LGALS8: variants seen among roughly 807,000 people sequenced by gnomAD.
The protein encoded by LGALS8 is galectin 8.
Under a neutral mutation model 35.9 loss-of-function variants are expected in LGALS8, and 30 were observed. That is an observed-to-expected ratio of 0.83 (90% CI 0.62 to 1.13). The LOEUF is 1.13. LGALS8 is among the 50% of genes most tolerant of loss of function. The probability of loss-of-function intolerance (pLI) is 0.00; values close to 1 mark genes in which losing one functional copy is unlikely to be tolerated. For missense variants in LGALS8, 366 were observed against 388.7 expected, an observed-to-expected ratio of 0.94 and a Z score of 0.49; for synonymous variants, 138 against 136.1, an observed-to-expected ratio of 1.01 and a Z score of -0.10.
In LGALS8 at chr1:236,542,835, T is replaced by G. The variant is rs1432677815; in HGVS notation, c.549+48T>G. 3 of 1,614,102 alleles carry G rather than the reference T, an allele frequency of 1.9e-6. No homozygotes were observed. The South Asian group carries it at 3.3e-5, about 18-fold the overall frequency. ...TTTCATGTGGAATATTTTATAAAGT[T>G]GCATAGAAAATGAACAGTTTAAACC... On this transcript the variant is annotated intron_variant, in intron 7 of 9. Transcript: ENST00000366584.
intron 1 of LGALS8, chr1:236,524,845 A>G (rs911726794): frequency 2.6e-4 from 47 of 183,540 alleles, no homozygotes; most frequent in Non-Finnish European, 5.1e-4. Context: ...AGTTAATGAC[A>G]TGGGGCTATA....
At chr1:236,543,301 G>A (rs772985364) in intron 7 of LGALS8, 74 of 643,392 alleles carry the variant, frequency 1.2e-4, no homozygotes, top group Admixed American at 2.0e-4. Flanking sequence ...CCTTCCTGGC[G>A]TGTTTCACTC....
At position 236,550,992 on chromosome 1, in the gene LGALS8, T is replaced by TAAAAAAAA. The variant is rs55866014; in HGVS notation, c.*2842_*2849dup. On this transcript the variant is annotated 3_prime_UTR_variant, in exon 10 of 10. Transcript: ENST00000366584. ...GATGTTCTACTTCTTCACATTCATC[T>TAAAAAAAA]AAAAAAAAAAAAAAAAAATCAAAAT... The TAAAAAAAA allele has an allele frequency of 1.7e-5, 21 of 1,255,688 alleles. No individual in the cohort carries two copies. The highest frequency in any genetic ancestry group is 1.8e-5 in the Non-Finnish European group (17 of 934,626). 77.8% of individuals were successfully genotyped at this position (1,255,688 alleles called of 1,614,324 possible). A position where few individuals can be genotyped will look rare whatever the true frequency, so the allele number is the denominator to read the frequency against.
In LGALS8 at chr1:236,545,024, A is replaced by T. The variant is rs1389253596; in HGVS notation, c.804+109A>T. The T allele has an allele frequency of 3.7e-6, 3 of 814,162 alleles. No individual in the cohort carries two copies. The East Asian group carries it at 7.8e-5, about 21-fold the overall frequency. The allele number at this position is 814,162 out of a possible 1,614,324, so 50.4% of individuals were successfully genotyped here. A position where few individuals can be genotyped will look rare whatever the true frequency, so the allele number is the denominator to read the frequency against. ...CTAACTCAGTATGTGGAAGTTGTGT[A>T]TGTTTTTTGTTTACTTGGAGATTGT... On this transcript the variant is annotated intron_variant, in intron 9 of 9. Transcript: ENST00000366584.
intron 2 of LGALS8, among the ~76,000 whole-genome samples, chr1:236,530,576 C>CA (rs1661090047): frequency 2.0e-5 from 3 of 152,180 alleles, no homozygotes; most frequent in Admixed American, 2.0e-4. Flanking sequence ...CCCCAACTCT[C>CA]AGTTGCTCAG....
chr1:236,529,880 T>G (rs933667594), intron 2 of LGALS8, among the ~76,000 whole-genome samples: 4 of 152,144 alleles, frequency 2.6e-5, no homozygotes, highest in Non-Finnish European at 4.4e-5. Flanking sequence ...CTCGAACTCC[T>G]GAGCTCAGGC....
intron 2 of LGALS8, among the ~76,000 whole-genome samples, chr1:236,531,828 C>T (rs966846263): frequency 2.0e-5 from 3 of 152,154 alleles, no homozygotes; most frequent in African/African-American, 7.2e-5. Context: ...GACTCACCAG[C>T]ATAGAGTTGT....
intron 2 of LGALS8, among the ~76,000 whole-genome samples, chr1:236,535,483 T>A (rs1455569784): frequency 4.0e-5 from 1 of 24,854 alleles, no homozygotes; most frequent in Non-Finnish European, 1.5e-4. Flanking sequence ...TATTACTAAC[T>A]TGTGTTATTA....
intron 9 of LGALS8, among the ~76,000 whole-genome samples, chr1:236,547,676 G>A (rs1008155389): frequency 2.2e-5 from 2 of 91,694 alleles, no homozygotes; most frequent in Admixed American, 1.0e-4. Flanking sequence ...CAGCATCGGC[G>A]AGGAGGGGCA....
intron 3 of LGALS8, among the ~76,000 whole-genome samples, chr1:236,537,997 C>T (rs1433280887): frequency 6.9e-6 from 1 of 145,758 alleles, no homozygotes; most frequent in Non-Finnish European, 1.5e-5. Context: ...TGTAGCTACT[C>T]AGGGGGCTGA....
chr1:236,533,996 C>T (rs919329707), intron 2 of LGALS8, among the ~76,000 whole-genome samples: 3 of 152,170 alleles, frequency 2.0e-5, no homozygotes, highest in African/African-American at 7.2e-5. Flanking sequence ...CTGCCTTTGA[C>T]CCCAGATGTA....
chr1:236,545,560 T>C (rs762117614), intron 9 of LGALS8, among the ~76,000 whole-genome samples: 2 of 152,188 alleles, frequency 1.3e-5, no homozygotes, highest in Non-Finnish European at 2.9e-5. Context: ...CTTAGGGTCA[T>C]TGGTTTAGGT....
chr1:236,527,829 G>A (rs371806226), intron 2 of LGALS8, among the ~76,000 whole-genome samples: 93 of 151,954 alleles, frequency 6.1e-4, no homozygotes, highest in African/African-American at 2.0e-3. Flanking sequence ...TCTGCCTCCC[G>A]GGTTCAAGCA....
chr1:236,540,610 G>A lies in LGALS8; in HGVS notation c.392G>A (p.Gly131Asp). 1.9e-6 allele frequency: 3 copies of A among 1,610,724 alleles called. No homozygotes were observed. The highest frequency in any genetic ancestry group is 1.1e-5 in the South Asian group (1 of 90,324). The change falls in exon 5 of 10, where the codon GGC (glycine) becomes GAC (aspartate). Residue 131 changes from glycine (G) to aspartate (D), a missense_variant. Transcript: ENST00000366584. ...KHTLLYGHRI[G>D]PEKIDTLGIY... Reference sequence around the variant, plus strand: ...ACTCTGCTCTATGGCCACAGGATCGGCCCAGAGAAAATAGACACTCTGGGC... The same window carrying A: ...ACTCTGCTCTATGGCCACAGGATCGACCCAGAGAAAATAGACACTCTGGGC...
At chr1:236,539,938 C>G (rs1661858211) in intron 4 of LGALS8, among the ~76,000 whole-genome samples, 1 of 150,746 alleles carries the variant, frequency 6.6e-6, no homozygotes, top group Non-Finnish European at 1.5e-5. Context: ...GCGTTTTCTG[C>G]CTATAACCTA....
At chr1:236,523,876 CAG>C, upstream of LGALS8, 1 of 350,036 alleles carries the variant, frequency 2.9e-6, no homozygotes, top group South Asian at 2.1e-5. Flanking sequence ...GCCCCAGACA[CAG>C]AAGGCGGGGC....
At chr1:236,540,866 T>G (rs899861116) in intron 5 of LGALS8, among the ~76,000 whole-genome samples, 183 bp downstream of exon 5, 4 of 152,232 alleles carry the variant, frequency 2.6e-5, no homozygotes, top group African/African-American at 9.6e-5. Flanking sequence ...AGGGCTTCAT[T>G]GTCTGTAGGA....
intron 6 of LGALS8, among the ~76,000 whole-genome samples, chr1:236,542,064 A>T (rs764057175): frequency 2.2e-4 from 34 of 152,228 alleles, no homozygotes; most frequent in Non-Finnish European, 4.6e-4. Context: ...ACTGCAATTT[A>T]AAAATGCGCT....
chr1:236,541,937 C>T (rs1221680696), intron 6 of LGALS8, among the ~76,000 whole-genome samples: 1 of 152,190 alleles, frequency 6.6e-6, no homozygotes, highest in Non-Finnish European at 1.5e-5. Flanking sequence ...ATGTAAAAAG[C>T]ACTCTCTCAC....
Sources: gnomAD v4.1 joint callset for allele counts (sites outside exome capture counted in the v4.1 genomes callset) on GRCh38, gnomAD v4.1.1 for gene constraint, MANE v1.5 for transcripts, NCBI Gene and HGNC (gene_info 2026-07-23, HGNC 2026-07-21) for gene names.